COL24A1: variants seen among roughly 807,000 people sequenced by gnomAD.
COL24A1 encodes the protein collagen type XXIV alpha 1 chain, also known as collagen alpha-1(XXIV) chain.
A neutral mutation model predicts 253.9 loss-of-function variants in COL24A1; 224 were observed. The ratio of observed to expected loss-of-function variants is 0.88; its 90% CI spans 0.79 to 0.99. The LOEUF (loss-of-function observed/expected upper bound fraction) is 0.99. Among genes scored for constraint, COL24A1 ranks in the 50% least tolerant of loss-of-function variants. The probability of loss-of-function intolerance (pLI) is 0.00; values close to 1 mark genes in which losing one functional copy is unlikely to be tolerated. For missense variants in COL24A1, 2,131 were observed against 2,068.5 expected, an observed-to-expected ratio of 1.03 and a Z score of -0.59; for synonymous variants, 685 against 673.7, an observed-to-expected ratio of 1.02 and a Z score of -0.26.
chr1:85,914,838 G>C (rs1372193571), intron 24 of COL24A1, among the ~76,000 whole-genome samples: 1 of 152,190 alleles, frequency 6.6e-6, no homozygotes, highest in Non-Finnish European at 1.5e-5. Flanking sequence ...TTCTGGAAAA[G>C]AGGTTAGTGA....
At chr1:85,866,956 A>C in intron 37 of COL24A1, among the ~76,000 whole-genome samples, 1 of 152,166 alleles carries the variant, frequency 6.6e-6, no homozygotes, top group Non-Finnish European at 1.5e-5. Flanking sequence ...AAATAATCTT[A>C]TACTTCTGGT....
In COL24A1 at chr1:85,981,968, C is replaced by T. The variant is rs111718687; in HGVS notation, c.2364+5633G>A. On this transcript the variant is annotated intron_variant, in intron 20 of 59. Coordinates refer to ENST00000370571, the MANE Select transcript of COL24A1 (RefSeq NM_152890.7). The stretch of plus-strand genomic sequence containing the variant: ...TGATATAAACAGGATATTTGCACTG[C>T]TAGGTTCATTGCAGCTTTATTCACA... Among the ~76,000 whole-genome samples the T allele has an allele frequency of 6.0e-3, 919 of 152,146 alleles. 10 individuals are homozygous for T. The highest frequency in any genetic ancestry group is 0.021 in the African/African-American group (873 of 41,524).
chr1:85,989,929 G>C (rs1251362794), intron 19 of COL24A1, among the ~76,000 whole-genome samples: 2 of 152,084 alleles, frequency 1.3e-5, no homozygotes, highest in Non-Finnish European at 2.9e-5. Flanking sequence ...CCATCCTGGG[G>C]TCCTATAAGG....
intron 24 of COL24A1, among the ~76,000 whole-genome samples, chr1:85,930,761 G>C (rs1279563000): frequency 2.4e-4 from 1 of 4,194 alleles, no homozygotes; most frequent in African/African-American, 6.9e-4. Context: ...TCATCCCTGG[G>C]ATGCAAGGCT....
intron 14 of COL24A1, among the ~76,000 whole-genome samples, chr1:86,027,808 C>T (rs568886468): frequency 6.6e-6 from 1 of 152,238 alleles, no homozygotes; most frequent in East Asian, 1.9e-4. Context: ...CAGCTTGCAC[C>T]ATTCACCTGG....
rs188365915 is a variant in COL24A1, at chr1:85,814,308, A to T, written c.3951+2480T>A. ...ATGAGCCTTTGCCCACACAGAAAAT[A>T]AAACTAGCATGACAGATTCTAGGAA... On this transcript the variant is annotated intron_variant, in intron 47 of 59. Coordinates refer to ENST00000370571, the MANE Select transcript of COL24A1 (RefSeq NM_152890.7). Among the ~76,000 whole-genome samples, 890 of 152,338 alleles carry T rather than the reference A, an allele frequency of 5.8e-3. 4 individuals carry two copies. The highest frequency in any genetic ancestry group is 0.02 in the African/African-American group (843 of 41,570).
chr1:86,127,085 A>G (rs1020924788), intron 2 of COL24A1, among the ~76,000 whole-genome samples: 17 of 152,048 alleles, frequency 1.1e-4, no homozygotes, highest in Admixed American at 1.1e-3. Context: ...GCTACGCTTA[A>G]AGTATTCTGG....
chr1:86,120,014 C>A (rs1477821184), intron 3 of COL24A1, among the ~76,000 whole-genome samples: 3 of 152,246 alleles, frequency 2.0e-5, no homozygotes, highest in Middle Eastern at 3.4e-3. Flanking sequence ...TGATCTTTCA[C>A]AAACCTGACA....
At chr1:86,048,734 C>G (rs1008367895) in intron 11 of COL24A1, among the ~76,000 whole-genome samples, 1 of 152,192 alleles carries the variant, frequency 6.6e-6, no homozygotes, top group Non-Finnish European at 1.5e-5. Flanking sequence ...TCATGATCCA[C>G]CCGCCTCGGC....
intron 47 of COL24A1, among the ~76,000 whole-genome samples, chr1:85,794,727 T>C (rs1461092837): frequency 6.6e-6 from 1 of 152,172 alleles, no homozygotes; most frequent in Admixed American, 6.5e-5. Flanking sequence ...ATTCAGCCTA[T>C]GTTAAATCAT....
intron 9 of COL24A1, among the ~76,000 whole-genome samples, chr1:86,058,861 T>C (rs1457602158): frequency 6.6e-6 from 1 of 152,158 alleles, no homozygotes; most frequent in African/African-American, 2.4e-5. Flanking sequence ...TAAGAACTTA[T>C]TAACACTTGT....
intron 41 of COL24A1, among the ~76,000 whole-genome samples, chr1:85,841,508 C>T (rs952854404): frequency 6.6e-6 from 1 of 151,962 alleles, no homozygotes; most frequent in African/African-American, 2.4e-5. Context: ...AGAAGCAGCT[C>T]AGGAATTTTC....
Position 86,033,901 on chromosome 1 carries a change from T to G in COL24A1, c.1973A>C (p.Asp658Ala). The G allele has an allele frequency of 6.3e-7, 1 of 1,595,826 alleles. No individual in the cohort carries two copies. Among genetic ancestry groups the G allele is most frequent in the Non-Finnish European group, 8.5e-7 (1 of 1,172,792 alleles). Residue 658 changes from aspartate (D) to alanine (A), a missense_variant, in exon 13 of 60, where the codon GAC (aspartate) becomes GCC (alanine). Transcript: ENST00000370571. The stretch of plus-strand genomic sequence containing the variant: ...GCCATCAAGACCAGCAGGGCCTCTG[T>G]CTCCAAAGTCACCTGGAAAACCCTG... ...GRQGFPGDFG[D>A]RGPAGLDGSP...
chr1:85,779,738 G>C (rs1668962572), intron 52 of COL24A1, among the ~76,000 whole-genome samples: 1 of 152,058 alleles, frequency 6.6e-6, no homozygotes, highest in Admixed American at 6.6e-5. Context: ...ACACCGATCT[G>C]TTTATTTCTT....
chr1:85,968,852 G>A (rs1392442634), intron 22 of COL24A1, among the ~76,000 whole-genome samples: 10 of 152,104 alleles, frequency 6.6e-5, no homozygotes, highest in Non-Finnish European at 8.8e-5. Context: ...CAGAATATCA[G>A]TAACAGAATC....
intron 51 of COL24A1, 98 bp from the exon 52 acceptor site, chr1:85,781,371 C>T: frequency 1.3e-6 from 1 of 752,642 alleles, no homozygotes. Context: ...GCCATGTCTA[C>T]ATAATTATCC....
At chr1:86,083,370 A>G (rs1278960904) in intron 7 of COL24A1, among the ~76,000 whole-genome samples, 3 of 150,688 alleles carry the variant, frequency 2.0e-5, no homozygotes, top group African/African-American at 7.3e-5. Context: ...TATAGTTGAT[A>G]TATATATATA....
At chr1:86,043,149 C>A (rs1008146114) in intron 12 of COL24A1, among the ~76,000 whole-genome samples, 5 of 152,066 alleles carry the variant, frequency 3.3e-5, no homozygotes, top group Non-Finnish European at 7.4e-5. Context: ...GTTAATAAAA[C>A]TTTATAGATT....
rs1311532666 is a variant in COL24A1 at position 85,827,558 on chromosome 1, G to A, written c.3682-3820C>T. Among the ~76,000 whole-genome samples, 7 of 151,890 alleles carry A rather than the reference G, an allele frequency of 4.6e-5. 1 individual carries two copies. The highest frequency in any genetic ancestry group is 1.7e-4 in the African/African-American group (7 of 41,366). On this transcript the variant is annotated intron_variant, in intron 43 of 59. Transcript: ENST00000370571. ...TCGGCTGTGAATCCATCTGGTCCTG[G>A]ACTCTTTTTGGTTGGTAAGCTATTG...
Sources: allele counts gnomAD v4.1 joint callset (sites outside exome capture counted in the v4.1 genomes callset), GRCh38; gene constraint gnomAD v4.1.1; transcripts MANE v1.5; gene names NCBI Gene and HGNC (gene_info 2026-07-23, HGNC 2026-07-21).